Variants in XYLB observed in about 807,000 individuals in gnomAD.
The protein encoded by XYLB is xylulokinase, also known as xylulose kinase.
A neutral mutation model predicts 78.7 loss-of-function variants in XYLB; 62 were observed. That is an observed-to-expected ratio of 0.79 (90% CI 0.64 to 0.97). The LOEUF is 0.97. Among genes scored for constraint, XYLB ranks in the 50% least tolerant of loss-of-function variants. The pLI is 0.00. For missense variants in XYLB, 687 were observed against 676.8 expected, an observed-to-expected ratio of 1.02 and a Z score of -0.17; for synonymous variants, 245 against 247.4, an observed-to-expected ratio of 0.99 and a Z score of 0.09.
At chr3:38,401,109 T>C (rs1708109579) in intron 18 of XYLB, 124 bp downstream of exon 18, 1 of 807,436 alleles carries the variant, frequency 1.2e-6, no homozygotes, top group African/African-American at 1.7e-5. Context: ...AATTCTGCTT[T>C]ATTGAAATTA....
At chr3:38,363,244 A>G (rs1706072311) in intron 4 of XYLB, among the ~76,000 whole-genome samples, 1 of 152,212 alleles carries the variant, frequency 6.6e-6, no homozygotes, top group Non-Finnish European at 1.5e-5. Context: ...AGTATTATAT[A>G]AAATAGGACG....
chr3:38,363,799 T>C (rs1286376869), intron 4 of XYLB, among the ~76,000 whole-genome samples: 2 of 152,186 alleles, frequency 1.3e-5, no homozygotes, highest in Non-Finnish European at 2.9e-5. Flanking sequence ...GATCACACAG[T>C]GCTGGGAGTG....
intron 2 of XYLB, among the ~76,000 whole-genome samples, chr3:38,352,610 C>T (rs1345082931): frequency 6.6e-6 from 1 of 152,094 alleles, no homozygotes; most frequent in Non-Finnish European, 1.5e-5. Context: ...AGTTCAAGAC[C>T]AGCCTAGGCA....
At chr3:38,387,478 C>T (rs1707435732) in intron 15 of XYLB, among the ~76,000 whole-genome samples, 1 of 152,170 alleles carries the variant, frequency 6.6e-6, no homozygotes, top group South Asian at 2.1e-4. Flanking sequence ...TCAAGCGCTT[C>T]TCCTGCCTCA....
intron 17 of XYLB, among the ~76,000 whole-genome samples, chr3:38,398,446 T>G (rs929725786): frequency 6.6e-6 from 1 of 151,054 alleles, no homozygotes; most frequent in Non-Finnish European, 1.5e-5. Flanking sequence ...CCAGCCTGGG[T>G]GACAAAGTGA....
chr3:38,380,088 G>A (rs1314963100), intron 15 of XYLB, among the ~76,000 whole-genome samples: 3 of 152,002 alleles, frequency 2.0e-5, no homozygotes, highest in African/African-American at 7.3e-5. Context: ...ACGATAACCC[G>A]TTAATCCATT....
rs927638153 is a variant in XYLB at position 38,365,234 on chromosome 3, G to T, written c.327G>T (p.Gln109His). 3.5e-5 allele frequency: 56 copies of T among 1,614,116 alleles called. No individual in the cohort carries two copies. The highest frequency in any genetic ancestry group is 4.5e-5 in the Non-Finnish European group (53 of 1,180,044). Residue 109 changes from glutamine (Q) to histidine (H), a missense_variant, in exon 5 of 19, where the codon CAG (glutamine) becomes CAT (histidine). By Grantham distance (24) the Gln-to-His change is conservative. Coordinates refer to ENST00000207870, the MANE Select transcript of XYLB (RefSeq NM_005108.4). ...GTATATACTGGAAGGCTGGAGCCCA[G>T]CAGGCACTGACAAGCTTATCACCAG... The part of the protein sequence containing the change: ...HGSIYWKAGA[Q>H]QALTSLSPDL...
chr3:38,394,000 T>C (rs950417060), intron 15 of XYLB, among the ~76,000 whole-genome samples: 1 of 152,212 alleles, frequency 6.6e-6, no homozygotes, highest in Non-Finnish European at 1.5e-5. Flanking sequence ...TTGTCTGAGC[T>C]GTTTATAGGT....
rs1297963819 is a variant in XYLB, at chr3:38,410,159, C to T, written c.1534-2777C>T. Among the ~76,000 whole-genome samples the T allele has an allele frequency of 3.3e-5, 5 of 152,322 alleles. No homozygotes were observed. In the East Asian group the frequency reaches 9.6e-4, roughly 29 times the overall value. On this transcript the variant is annotated intron_variant, in intron 18 of 18. Transcript: ENST00000207870. Reference sequence around the variant, plus strand: ...TACTACAAGGCTACAGTAATCAAAACAGCATGGTACTGGTACCAAAACAGA... The same window carrying T: ...TACTACAAGGCTACAGTAATCAAAATAGCATGGTACTGGTACCAAAACAGA...
intron 2 of XYLB, among the ~76,000 whole-genome samples, chr3:38,355,269 C>A (rs112674701): frequency 0.032 from 4,850 of 152,322 alleles, 115 homozygotes; most frequent in African/African-American, 0.062. Context: ...CAACTTCTTC[C>A]CCTAAGAGCC....
the XYLB span, among the ~76,000 whole-genome samples, chr3:38,431,295 T>A: frequency 1.2e-3 from 185 of 152,314 alleles, 1 homozygote; most frequent in Middle Eastern, 0.01. Context: ...GATTCCTAGG[T>A]ATTTCTCTTT....
chr3:38,408,079 A>G (rs1575540736), intron 18 of XYLB, among the ~76,000 whole-genome samples: 1 of 151,260 alleles, frequency 6.6e-6, no homozygotes, highest in Admixed American at 6.6e-5. Context: ...AACAGAATAT[A>G]CATTTTTTTC....
intron 18 of XYLB, among the ~76,000 whole-genome samples, chr3:38,404,725 T>C (rs1253145614): frequency 6.6e-6 from 1 of 151,942 alleles, no homozygotes. Context: ...ACTTGAGAGG[T>C]TCAGGCACGA....
intron 4 of XYLB, among the ~76,000 whole-genome samples, chr3:38,364,734 T>C (rs1224605786): frequency 6.6e-6 from 1 of 152,106 alleles, no homozygotes; most frequent in African/African-American, 2.4e-5. Flanking sequence ...TTTATAGTTG[T>C]ACATTTGTGT....
chr3:38,401,030 G>C (rs763332896), intron 18 of XYLB, 45 bp downstream of exon 18: 1 of 1,566,608 alleles, frequency 6.4e-7, no homozygotes, highest in Non-Finnish European at 8.8e-7. Context: ...CATTATGAAA[G>C]CCCGCTAGGG....
chr3:38,363,602 G>A (rs1362092113), intron 4 of XYLB, among the ~76,000 whole-genome samples: 3 of 152,226 alleles, frequency 2.0e-5, no homozygotes, highest in Non-Finnish European at 4.4e-5. Flanking sequence ...TTTACAGGCA[G>A]TGACCTGGGA....
intron 15 of XYLB, among the ~76,000 whole-genome samples, chr3:38,395,076 G>C (rs925911630): frequency 1.3e-5 from 2 of 152,142 alleles, no homozygotes; most frequent in Admixed American, 1.3e-4. Context: ...TGAATGTGAG[G>C]GGGGACTACT....
chr3:38,432,678 G>C, the XYLB span, among the ~76,000 whole-genome samples: 1 of 152,216 alleles, frequency 6.6e-6, no homozygotes, highest in African/African-American at 2.4e-5. Flanking sequence ...ATGCAAGTCC[G>C]AAATCCAACA....
intron 2 of XYLB, among the ~76,000 whole-genome samples, chr3:38,352,953 G>C (rs7372922): frequency 0.86 from 130,925 of 152,236 alleles, 57,251 homozygotes; most frequent in East Asian, 1. Context: ...GGATGGTCTC[G>C]ATCTCCCAAC....
Sources: gnomAD v4.1 joint callset for allele counts (sites outside exome capture counted in the v4.1 genomes callset) on GRCh38, gnomAD v4.1.1 for gene constraint, MANE v1.5 for transcripts, NCBI Gene and HGNC (gene_info 2026-07-23, HGNC 2026-07-21) for gene names.